PCDHGA2: variants seen among roughly 807,000 people sequenced by gnomAD.
PCDHGA2 encodes protocadherin gamma subfamily A, 2.
A neutral mutation model predicts 59.2 loss-of-function variants in PCDHGA2; 40 were observed. The ratio of observed to expected loss-of-function variants is 0.68; its 90% CI spans 0.52 to 0.88. PCDHGA2 has a LOEUF of 0.88. Among genes scored for constraint, PCDHGA2 ranks in the 40% least tolerant of loss-of-function variants. The probability of loss-of-function intolerance (pLI) is 0.00; values close to 1 mark genes in which losing one functional copy is unlikely to be tolerated. For missense variants in PCDHGA2, 1,226 were observed against 1,204.0 expected (o/e 1.02, Z -0.27); for synonymous variants, 560 against 526.0 (o/e 1.06, Z -0.89).
rs768510925 is a variant in PCDHGA2 at position 141,394,047 on chromosome 5, C to T, written c.2424+52652C>T. On this transcript the variant is annotated intron_variant, in intron 1 of 3. Coordinates refer to ENST00000394576, the MANE Select transcript of PCDHGA2 (RefSeq NM_018915.4). Reference sequence around the variant, plus strand: ...ATTAGTGACAAGGAAATATTTGGACCGAGAAAATGTCTCTATCTACAATAT... The same window carrying T: ...ATTAGTGACAAGGAAATATTTGGACTGAGAAAATGTCTCTATCTACAATAT... The T allele has an allele frequency of 5.6e-6, 9 of 1,613,438 alleles. No homozygotes were observed. The Admixed American group carries it at 1.5e-4, about 27-fold the overall frequency.
intron 1 of PCDHGA2, chr5:141,370,202 A>G (rs1766737926): frequency 3.7e-6 from 2 of 546,378 alleles, no homozygotes; most frequent in Non-Finnish European, 6.3e-6. Context: ...GCTGTGCAAA[A>G]TATTGGCTCC....
At position 141,372,291 on chromosome 5, in the gene PCDHGA2, G is replaced by C. The variant is rs1370699746; in HGVS notation, c.2424+30896G>C. 2.5e-6 allele frequency: 4 copies of C among 1,613,302 alleles called. No individual in the cohort carries two copies. In the Admixed American group the frequency reaches 6.7e-5, roughly 27 times the overall value. On this transcript the variant is annotated intron_variant, in intron 1 of 3. Transcript: ENST00000394576. ...TGAGGTGCGCACGGCGCGTACCTTG[G>C]GCGACAGGGAGGCCGCCCGCCAGCG...
chr5:141,492,787 G>A (rs1308203463), intron 1 of PCDHGA2, among the ~76,000 whole-genome samples: 2 of 152,254 alleles, frequency 1.3e-5, no homozygotes, highest in Admixed American at 6.5e-5. Context: ...AGCCTCTATA[G>A]GACAGCAGGA....
chr5:141,367,034 G>A, intron 1 of PCDHGA2: 2 of 369,536 alleles, frequency 5.4e-6, no homozygotes, highest in South Asian at 8.1e-5. Flanking sequence ...TGGAACTGCA[G>A]TTCTATTAAT....
Position 141,490,520 on chromosome 5 carries a change from G to A in PCDHGA2, c.2425-4287G>A. 1 of 1,614,072 alleles carries A rather than the reference G, an allele frequency of 6.2e-7. No individual in the cohort carries two copies. Among genetic ancestry groups the A allele is most frequent in the Non-Finnish European group, 8.5e-7 (1 of 1,180,014 alleles). ...CACTATATCATCGAGCTGCTGGCCAGCGATGCTGGTTCACCTTCCCTACAC... is the reference window on the plus strand; with the variant it reads ...CACTATATCATCGAGCTGCTGGCCAACGATGCTGGTTCACCTTCCCTACAC... On this transcript the variant is annotated intron_variant, in intron 1 of 3. Coordinates refer to ENST00000394576, the MANE Select transcript of PCDHGA2 (RefSeq NM_018915.4). The surrounding 1 kb of genome is among the most constrained non-coding windows in gnomAD (Gnocchi z 5.4).
At chr5:141,375,521 GACGTGGACCAGA>G in intron 1 of PCDHGA2, 1 of 1,613,994 alleles carries the variant, frequency 6.2e-7, no homozygotes, top group Non-Finnish European at 8.5e-7. Context: ...ACTGGACCCT[GACGTGGACCAGA>G]ACGCCCAAGT....
At chr5:141,372,273 C>T (rs201775561) in intron 1 of PCDHGA2, 6 of 1,613,106 alleles carry the variant, frequency 3.7e-6, no homozygotes, top group East Asian at 4.5e-5. Context: ...GGGTGAGGTG[C>T]GCACGGCGCG....
intron 1 of PCDHGA2, chr5:141,418,165 T>G (rs1296752918): frequency 6.2e-7 from 1 of 1,614,034 alleles, no homozygotes. Flanking sequence ...GAAGAAGATG[T>G]GAGTTGCAAT....
chr5:141,406,647 A>G (rs2094834813), intron 1 of PCDHGA2, among the ~76,000 whole-genome samples: 1 of 152,182 alleles, frequency 6.6e-6, no homozygotes, highest in Non-Finnish European at 1.5e-5. Context: ...TAATTTCCTA[A>G]TGCTTTAATG....
Position 141,491,522 on chromosome 5 carries a change from A to G in PCDHGA2, c.2425-3285A>G, listed in dbSNP as rs778246278. ...TCGGACGGCACGCTCAAGTACATGG[A>G]GGTGACGCTGCGGCCCACAGACTCG... is the stretch of plus-strand genomic sequence containing the variant. On this transcript the variant is annotated intron_variant, in intron 1 of 3. Coordinates refer to ENST00000394576, the MANE Select transcript of PCDHGA2 (RefSeq NM_018915.4). The surrounding 1 kb of genome is among the most constrained non-coding windows in gnomAD (Gnocchi z 6.9). 8.1e-6 allele frequency: 13 copies of G among 1,614,024 alleles called. No homozygotes were observed. Among genetic ancestry groups the G allele is most frequent in the Non-Finnish European group, 1.1e-5 (13 of 1,180,002 alleles).
intron 3 of PCDHGA2, 59 bp from the exon 4 acceptor site, chr5:141,510,888 A>C (rs2099883233): frequency 6.2e-7 from 1 of 1,612,646 alleles, no homozygotes. Flanking sequence ...GGGATATAAG[A>C]CAGTGACTGT....
Position 141,403,122 on chromosome 5 carries a change from G to A in PCDHGA2, c.2424+61727G>A, listed in dbSNP as rs550510039. 4.3e-5 allele frequency: 69 copies of A among 1,613,932 alleles called. No individual in the cohort carries two copies. Among genetic ancestry groups the A allele is most frequent in the East Asian group, 8.9e-5 (4 of 44,898 alleles). ...TCCAAGGACCTGGCTCTGGAGCCCC[G>A]GGAGCTGGCGGAGCGCCGAGTCCGC... On this transcript the variant is annotated intron_variant, in intron 1 of 3. Transcript: ENST00000394576.
intron 1 of PCDHGA2, chr5:141,362,169 C>T (rs1762357316): frequency 6.2e-7 from 1 of 1,614,046 alleles, no homozygotes; most frequent in Non-Finnish European, 8.5e-7. Flanking sequence ...TCAGCGACCG[C>T]CGGGAGCCCT....
chr5:141,432,053 C>T lies in PCDHGA2; in HGVS notation c.2425-62754C>T. The T allele has an allele frequency of 6.2e-7, 1 of 1,614,240 alleles. No homozygotes were observed. Among genetic ancestry groups the T allele is most frequent in the South Asian group, 1.1e-5 (1 of 91,082 alleles). ...CGCCACTGACCGGGGAACCCCGCCC[C>T]TATCCACGGAAACTCATATCTCGCT... On this transcript the variant is annotated intron_variant, in intron 1 of 3. Transcript: ENST00000394576. The surrounding 1 kb of genome is among the most constrained non-coding windows in gnomAD (Gnocchi z 6.0).
rs201673318 is a variant in PCDHGA2, at chr5:141,421,626, C to G, written c.2425-73181C>G. On this transcript the variant is annotated intron_variant, in intron 1 of 3. Coordinates refer to ENST00000394576, the MANE Select transcript of PCDHGA2 (RefSeq NM_018915.4). ...TAGATATTAATGATAACGCCCCCAG[C>G]TTCCAGGAGGACGAAGTGGAGATAA... 1.9e-6 allele frequency: 3 copies of G among 1,613,842 alleles called. No individual in the cohort carries two copies. In the African/African-American group the frequency reaches 4.0e-5, roughly 21 times the overall value.
At chr5:141,443,330 C>A (rs1005631067) in intron 1 of PCDHGA2, among the ~76,000 whole-genome samples, 44 of 139,282 alleles carry the variant, frequency 3.2e-4, no homozygotes, top group African/African-American at 4.5e-4. Flanking sequence ...AAAAAAAAAA[C>A]AAAAATTAAC....
chr5:141,346,990 TTTTC>T (rs1757838072), intron 1 of PCDHGA2, among the ~76,000 whole-genome samples: 1 of 151,994 alleles, frequency 6.6e-6, no homozygotes, highest in South Asian at 2.1e-4. Context: ...GACACTCTTT[TTTTC>T]TTTCTCCTTC....
At chr5:141,478,620 G>A (rs1400703951) in intron 1 of PCDHGA2, 2 of 1,555,472 alleles carry the variant, frequency 1.3e-6, no homozygotes, top group East Asian at 2.4e-5. Context: ...AAGGAATGGA[G>A]CTGTTTTTTT....
chr5:141,345,546 G>C (rs1291837550), intron 1 of PCDHGA2: 3 of 1,614,016 alleles, frequency 1.9e-6, no homozygotes, highest in Admixed American at 3.3e-5. Flanking sequence ...GTCCTCCTTC[G>C]TCTCTATCAA....
Sources: gnomAD v4.1 joint callset for allele counts (sites outside exome capture counted in the v4.1 genomes callset) on GRCh38, gnomAD v4.1.1 for gene constraint, Gnocchi (gnomAD v3.1) non-coding constraint, MANE v1.5 for transcripts, NCBI Gene and HGNC (gene_info 2026-07-23, HGNC 2026-07-21) for gene names.